Variants in NKD2 observed in about 807,000 individuals in gnomAD.
NKD2 encodes the protein protein naked cuticle homolog 2.
Under a neutral mutation model 34.8 loss-of-function variants are expected in NKD2, and 43 were observed. The ratio of observed to expected loss-of-function variants is 1.24; its 90% CI spans 0.97 to 1.60. The LOEUF is 1.60. Among genes scored for constraint, NKD2 ranks in the 40% most tolerant of loss-of-function variants. NKD2 has a pLI of 0.00. For synonymous variants in NKD2, 278 were observed against 265.1 expected, an observed-to-expected ratio of 1.05 and a Z score of -0.47; for missense variants, 675 against 627.1, an observed-to-expected ratio of 1.08 and a Z score of -0.82.
rs965531901 is a variant in NKD2 at position 1,038,711 on chromosome 5, C to T, written c.*338C>T. The stretch of plus-strand genomic sequence containing the variant: ...GGCCCTGGAGTGCGCAAGGAGTGCC[C>T]GGATGCTTGGGGTGGGTGTTCCTCC... On this transcript the variant is annotated 3_prime_UTR_variant, in exon 10 of 10. Coordinates refer to ENST00000296849, the MANE Select transcript of NKD2 (RefSeq NM_033120.4). The surrounding 1 kb of genome is among the most constrained non-coding windows in gnomAD (Gnocchi z 4.5). The T allele has an allele frequency of 9.2e-5, 51 of 557,292 alleles. No homozygotes were observed. Among genetic ancestry groups the T allele is most frequent in the South Asian group, 2.6e-4 (13 of 49,754 alleles). 34.5% of individuals were successfully genotyped at this position (557,292 alleles called of 1,614,324 possible). A position where few individuals can be genotyped will look rare whatever the true frequency, so the allele number is the denominator to read the frequency against.
intron 3 of NKD2, among the ~76,000 whole-genome samples, chr5:1,026,459 C>T (rs1756405459): frequency 1.1e-5 from 1 of 94,966 alleles, no homozygotes; most frequent in Non-Finnish European, 2.2e-5. Flanking sequence ...CGTCTCAGCC[C>T]ATTGTCCCTG....
intron 3 of NKD2, among the ~76,000 whole-genome samples, chr5:1,030,341 C>T (rs1272422572): frequency 6.6e-6 from 1 of 152,182 alleles, no homozygotes; most frequent in Non-Finnish European, 1.5e-5. Context: ...CATTGGTGGC[C>T]TTGGCTGCCC....
intron 3 of NKD2, among the ~76,000 whole-genome samples, chr5:1,015,569 T>C (rs1424421281): frequency 6.6e-6 from 1 of 152,128 alleles, no homozygotes; most frequent in African/African-American, 2.4e-5. Context: ...CTCCCTGGGT[T>C]ATGACGAAAG....
At position 1,036,252 on chromosome 5, in the gene NKD2, A is replaced by G. The variant is rs1225024868; in HGVS notation, c.660-5A>G. Reference sequence around the variant, plus strand: ...GGGTCAGGCCCTTCTCTGTGCTCCAAGCAGGAGGCCCAGTACTGACCCCCA... The same window carrying G: ...GGGTCAGGCCCTTCTCTGTGCTCCAGGCAGGAGGCCCAGTACTGACCCCCA... On this transcript the variant is annotated splice_polypyrimidine_tract_variant and splice_region_variant and intron_variant, in intron 8 of 9. Transcript: ENST00000296849. 1.9e-6 allele frequency: 3 copies of G among 1,591,050 alleles called. No individual in the cohort carries two copies. The highest frequency in any genetic ancestry group is 2.6e-6 in the Non-Finnish European group (3 of 1,168,054).
chr5:1,033,264 TG>T, intron 4 of NKD2, 107 bp from the exon 5 acceptor site: 1 of 1,115,632 alleles, frequency 9.0e-7, no homozygotes, highest in Non-Finnish European at 1.3e-6. Flanking sequence ...CAGGCCCGTC[TG>T]GACAGGATCA....
At position 1,036,890 on chromosome 5, in the gene NKD2, G is replaced by GGGCA. The variant is rs879108118; in HGVS notation, c.787+508_787+511dup. The GGGCA allele has an allele frequency of 1.4e-5, 6 of 440,556 alleles. No individual in the cohort carries two copies. In the East Asian group the frequency reaches 3.8e-4, roughly 28 times the overall value. 27.3% of individuals were successfully genotyped at this position (440,556 alleles called of 1,614,324 possible). A position where few individuals can be genotyped will look rare whatever the true frequency, so the allele number is the denominator to read the frequency against. On this transcript the variant is annotated intron_variant, in intron 9 of 9. Coordinates refer to ENST00000296849, the MANE Select transcript of NKD2 (RefSeq NM_033120.4). ...ATGGCAGGCAGGCAGTGTGGATGGC[G>GGGCA]GGCAGTGTGGATGGCAGCCAGGCAG...
At position 1,009,549 on chromosome 5, in the gene NKD2, C is replaced by T. The variant is rs935179815; in HGVS notation, c.130C>T (p.Arg44Trp). Residue 44 changes from arginine (R) to tryptophan (W), a missense_variant, in exon 3 of 10, where the codon CGG becomes TGG. Transcript: ENST00000296849. The surrounding 1 kb of genome is among the most constrained non-coding windows in gnomAD (Gnocchi z 6.9). ...CGCGGAGGAAGCGGAGCGGCGCGCG[C>T]GGGACAAGCAGGTAGGCGGCGGGGC... The part of the protein sequence containing the change: ...KGAEEAERRA[R>W]DKQELPNGDP... 8.1e-6 allele frequency: 12 copies of T among 1,490,310 alleles called. No homozygotes were observed. The highest frequency in any genetic ancestry group is 1.1e-5 in the Non-Finnish European group (12 of 1,129,150). 92.3% of individuals were successfully genotyped at this position (1,490,310 alleles called of 1,614,324 possible).
At chr5:1,020,092 A>G (rs1381120004) in intron 3 of NKD2, among the ~76,000 whole-genome samples, 1 of 152,200 alleles carries the variant, frequency 6.6e-6, no homozygotes, top group Non-Finnish European at 1.5e-5. Flanking sequence ...GGGGATCGTT[A>G]GCTCTGAAGA....
In NKD2 at chr5:1,038,643, C is replaced by A; in HGVS notation, c.*270C>A. 1.4e-6 allele frequency: 1 copy of A among 690,278 alleles called. No homozygotes were observed. Among genetic ancestry groups the A allele is most frequent in the Non-Finnish European group, 2.5e-6 (1 of 395,768 alleles). 42.8% of individuals were successfully genotyped at this position (690,278 alleles called of 1,614,324 possible). A position where few individuals can be genotyped will look rare whatever the true frequency, so the allele number is the denominator to read the frequency against. ...GCCACTATGTTTCCTGGCTCTAAGG[C>A]TCGTCTGTGTAACCCATAAAACCTG... On this transcript the variant is annotated 3_prime_UTR_variant, in exon 10 of 10. Coordinates refer to ENST00000296849, the MANE Select transcript of NKD2 (RefSeq NM_033120.4). The surrounding 1 kb of genome is among the most constrained non-coding windows in gnomAD (Gnocchi z 4.5).
At chr5:1,036,184 G>T in intron 8 of NKD2, 73 bp from the exon 9 acceptor site, 1 of 1,443,066 alleles carries the variant, frequency 6.9e-7, no homozygotes, top group East Asian at 2.6e-5. Flanking sequence ...GCCGCCTGCT[G>T]TAGGCACCCC....
At chr5:1,013,517 T>C (rs1755835680) in intron 3 of NKD2, among the ~76,000 whole-genome samples, 1 of 152,190 alleles carries the variant, frequency 6.6e-6, no homozygotes, top group South Asian at 2.1e-4. Flanking sequence ...GGCGTCGAGG[T>C]CACCTCTGGG....
intron 5 of NKD2, 82 bp downstream of exon 5, chr5:1,033,581 G>C: frequency 2.8e-6 from 4 of 1,437,160 alleles, no homozygotes; most frequent in Non-Finnish European, 3.7e-6. Context: ...GCCCTAAACT[G>C]GGCATCTGTG....
intron 3 of NKD2, among the ~76,000 whole-genome samples, chr5:1,029,237 C>A (rs1756545151): frequency 6.6e-6 from 1 of 152,200 alleles, no homozygotes; most frequent in Admixed American, 6.5e-5. Context: ...CGTTCGAGCG[C>A]TGAGAATTCT....
chr5:1,026,543 TTGTCC>T, intron 3 of NKD2, among the ~76,000 whole-genome samples: 1 of 66,736 alleles, frequency 1.5e-5, no homozygotes, highest in African/African-American at 3.8e-5. Context: ...TCCCAGCCCA[TTGTCC>T]CTGCTCTTCC....
chr5:1,036,502 A>ACCCCCCCCCCCC, intron 9 of NKD2, 118 bp downstream of exon 9: 2 of 57,046 alleles, frequency 3.5e-5, no homozygotes, highest in Non-Finnish European at 3.2e-5. Context: ...GCCCCCCCCC[A>ACCCCCCCCCCCC]ACCCCCCCCA....
chr5:1,020,885 C>A (rs999585557), intron 3 of NKD2, among the ~76,000 whole-genome samples: 1 of 151,962 alleles, frequency 6.6e-6, no homozygotes, highest in East Asian at 1.9e-4. Context: ...CTGCAGAGAC[C>A]CTCCCTGGGC....
intron 3 of NKD2, among the ~76,000 whole-genome samples, chr5:1,021,649 G>A (rs1756192431): frequency 1.3e-5 from 2 of 151,794 alleles, no homozygotes; most frequent in East Asian, 1.9e-4. Context: ...CTTCAAAGCC[G>A]GCTGCGGGGT....
chr5:1,029,584 C>T (rs10035330), intron 3 of NKD2, among the ~76,000 whole-genome samples: 7,559 of 152,272 alleles, frequency 0.05, 427 homozygotes, highest in East Asian at 0.14. Flanking sequence ...TTTAGAAACA[C>T]GGCACGGGCT....
rs535461045 is a variant in NKD2 at position 1,021,714 on chromosome 5, G to C, written c.142-10438G>C. On this transcript the variant is annotated intron_variant, in intron 3 of 9. Transcript: ENST00000296849. ...TGAAGTCAAATTCCATCCTATGGCGGCCGGCAGAAGTGGGCCCCCGGCACC... is the reference window on the plus strand; with the variant it reads ...TGAAGTCAAATTCCATCCTATGGCGCCCGGCAGAAGTGGGCCCCCGGCACC... Among the ~76,000 whole-genome samples, 1,205 of 151,990 alleles carry C rather than the reference G, an allele frequency of 7.9e-3. 6 individuals are homozygous for C. Among genetic ancestry groups the C allele is most frequent in the Non-Finnish European group, 0.012 (819 of 67,960 alleles).
Sources: allele counts gnomAD v4.1 joint callset (sites outside exome capture counted in the v4.1 genomes callset), GRCh38; gene constraint gnomAD v4.1.1; non-coding constraint Gnocchi (gnomAD v3.1); transcripts MANE v1.5; gene names NCBI Gene and HGNC (gene_info 2026-07-23, HGNC 2026-07-21).